MYLK3: variants seen among roughly 807,000 people sequenced by gnomAD.
MYLK3 encodes the protein myosin light chain kinase 3.
In MYLK3, 55 loss-of-function variants were observed where a neutral mutation model predicts 76.3. The observed-to-expected ratio is 0.72, with a 90% CI of 0.58 to 0.90. The LOEUF (loss-of-function observed/expected upper bound fraction) is 0.90. Among genes scored for constraint, MYLK3 ranks in the 40% least tolerant of loss-of-function variants. MYLK3 has a pLI of 0.00. For synonymous variants in MYLK3, 416 were observed against 425.4 expected (o/e 0.98, Z 0.27); for missense variants, 973 against 1,053.6 (o/e 0.92, Z 1.06).
At chr16:46,708,196 C>T (rs771668478) in intron 12 of MYLK3, among the ~76,000 whole-genome samples, 1 of 152,022 alleles carries the variant, frequency 6.6e-6, no homozygotes, top group East Asian at 1.9e-4. Flanking sequence ...TGTAAAGATA[C>T]AGTCTCACTA....
At chr16:46,757,320 G>C (rs1967213265) in intron 1 of MYLK3, 3 of 957,412 alleles carry the variant, frequency 3.1e-6, no homozygotes, top group Non-Finnish European at 3.7e-6. Flanking sequence ...AGAGAACCCA[G>C]GACCGGGGAA....
rs779811926 is a variant in MYLK3 at position 46,747,673 on chromosome 16, G to C, written c.477+44C>G. ...GCTGCCTGGCCAGTCTCCCACCAGG[G>C]CCGGGGCCTCCCATCCAGCCAGGGC... On this transcript the variant is annotated intron_variant, in intron 1 of 12. Transcript: ENST00000394809. The C allele has an allele frequency of 8.3e-6, 13 of 1,570,386 alleles. No individual in the cohort carries two copies. In the East Asian group the frequency reaches 2.7e-4, roughly 33 times the overall value.
intron 11 of MYLK3, 108 bp downstream of exon 11, chr16:46,710,529 G>A: frequency 8.0e-7 from 1 of 1,245,672 alleles, no homozygotes; most frequent in Non-Finnish European, 1.1e-6. Context: ...AATCTTGAAT[G>A]GAATTTGTCC....
intron 6 of MYLK3, 28 bp from the exon 7 acceptor site, chr16:46,729,161 T>G: frequency 6.3e-7 from 1 of 1,583,086 alleles, no homozygotes; most frequent in Non-Finnish European, 8.7e-7. Flanking sequence ...ACAGAAGGAT[T>G]TCCAAGCGAA....
At chr16:46,718,336 T>C (rs764044496) in intron 9 of MYLK3, among the ~76,000 whole-genome samples, 3 of 152,232 alleles carry the variant, frequency 2.0e-5, no homozygotes, top group Non-Finnish European at 4.4e-5. Flanking sequence ...TGTGATTTTT[T>C]TTCTGTTCAT....
intron 1 of MYLK3, among the ~76,000 whole-genome samples, chr16:46,760,322 G>A (rs1004749404): frequency 4.6e-5 from 7 of 152,120 alleles, no homozygotes; most frequent in Non-Finnish European, 1.0e-4. Context: ...TCACCTCCCC[G>A]GCTGACAAGA....
intron 2 of MYLK3, 67 bp downstream of exon 2, chr16:46,739,990 G>T: frequency 6.9e-6 from 8 of 1,154,210 alleles, no homozygotes; most frequent in Non-Finnish European, 1.0e-5. Context: ...GGGCCGTGTT[G>T]TTGGGGCCTT....
intron 3 of MYLK3, among the ~76,000 whole-genome samples, chr16:46,734,674 T>C (rs1244623412): frequency 6.6e-6 from 1 of 152,004 alleles, no homozygotes; most frequent in Non-Finnish European, 1.5e-5. Flanking sequence ...ATTAGGACCC[T>C]CAAATACTCA....
intron 3 of MYLK3, 105 bp from the exon 4 acceptor site, chr16:46,732,773 G>A: frequency 1.1e-6 from 1 of 946,152 alleles, no homozygotes; most frequent in Non-Finnish European, 1.5e-6. Flanking sequence ...CAATGGCCCT[G>A]GGGCCCTGCT....
chr16:46,716,412 GTATA>G (rs147435885), intron 9 of MYLK3, among the ~76,000 whole-genome samples: 20 of 148,428 alleles, frequency 1.3e-4, no homozygotes, highest in East Asian at 7.8e-4. Flanking sequence ...ATATGTATGT[GTATA>G]TATATATATA....
intron 10 of MYLK3, among the ~76,000 whole-genome samples, chr16:46,711,359 A>C (rs1966681402): frequency 6.6e-6 from 1 of 152,158 alleles, no homozygotes. Flanking sequence ...GAAGTAAAAC[A>C]TGACTTTACC....
chr16:46,745,846 ATAGAGGCTTG>A (rs1243484482), intron 1 of MYLK3, among the ~76,000 whole-genome samples: 2 of 152,142 alleles, frequency 1.3e-5, no homozygotes, highest in Non-Finnish European at 2.9e-5. Context: ...GGTGCTCCAG[ATAGAGGCTTG>A]TAGACACAGC....
chr16:46,742,104 ATG>A (rs1344607564), intron 1 of MYLK3, among the ~76,000 whole-genome samples: 1 of 152,094 alleles, frequency 6.6e-6, no homozygotes, highest in East Asian at 1.9e-4. Context: ...GGTGACATGG[ATG>A]GAAACATTTG....
upstream of MYLK3, among the ~76,000 whole-genome samples, chr16:46,749,393 GC>G (rs1443513476): frequency 6.6e-6 from 1 of 152,248 alleles, no homozygotes; most frequent in East Asian, 1.9e-4. Flanking sequence ...AAGGGAGGGG[GC>G]TTTAGTGTCC....
At position 46,732,505 on chromosome 16, in the gene MYLK3, G is replaced by T. The variant is rs748943202; in HGVS notation, c.1165C>A (p.Pro389Thr). The T allele has an allele frequency of 3.1e-6, 5 of 1,606,756 alleles. No homozygotes were observed. Among genetic ancestry groups the T allele is most frequent in the South Asian group, 1.1e-5 (1 of 91,070 alleles). Residue 389 changes from proline (P) to threonine (T), a missense_variant, in exon 4 of 13, where the codon CCC becomes ACC. Physicochemically the swap from Pro to Thr is conservative, Grantham distance 38 (BLOSUM62 -1). This residue lies in a region of MYLK3 where 641 missense variants were observed against 637.0 expected (regional missense o/e 1.01). Transcript: ENST00000394809. ...GRCLQAPGTE[P>T]GEQTPEGARE... Reference sequence around the variant, plus strand: ...GCTCCTTCAGGGGTCTGTTCTCCGGGCTCAGTCCCAGGGGCTTGGAGGCAG... The same window carrying T: ...GCTCCTTCAGGGGTCTGTTCTCCGGTCTCAGTCCCAGGGGCTTGGAGGCAG...
At chr16:46,718,067 G>C (rs1966762290) in intron 9 of MYLK3, among the ~76,000 whole-genome samples, 2 of 152,166 alleles carry the variant, frequency 1.3e-5, no homozygotes, top group South Asian at 4.1e-4. Context: ...TATTGCAATG[G>C]TTTGTGGCTC....
chr16:46,758,296 ACACACACACTCTCTCTCTCT>A lies in MYLK3; in HGVS notation c.-114+4724_-114+4743del, dbSNP rs1389651544. Among the ~76,000 whole-genome samples, 308 of 59,270 alleles carry A rather than the reference ACACACACACTCTCTCTCTCT, an allele frequency of 5.2e-3. 3 individuals carry two copies. Among genetic ancestry groups the A allele is most frequent in the African/African-American group, 0.023 (298 of 13,194 alleles). The allele number at this position is 59,270 out of a possible 152,430, so 38.9% of individuals were successfully genotyped here. On this transcript the variant is annotated intron_variant, in intron 1 of 11. Transcript: ENST00000536476. ...CACACACACACACACACACACACAC[ACACACACACTCTCTCTCTCT>A]CTCTCTCTCTCTCTCTCTCTCTCTC...
chr16:46,719,132 T>A (rs1966774113), intron 9 of MYLK3, among the ~76,000 whole-genome samples: 2 of 150,144 alleles, frequency 1.3e-5, no homozygotes, highest in South Asian at 4.2e-4. Flanking sequence ...ATCAAGACCA[T>A]CCTGGCCAAC....
At chr16:46,733,653 G>A (rs1212765341) in intron 3 of MYLK3, among the ~76,000 whole-genome samples, 1 of 152,070 alleles carries the variant, frequency 6.6e-6, no homozygotes, top group East Asian at 1.9e-4. Context: ...AGTCACCCGG[G>A]AATCCAAACC....
Sources: allele counts gnomAD v4.1 joint callset (sites outside exome capture counted in the v4.1 genomes callset), GRCh38; gene constraint gnomAD v4.1.1; regional missense constraint gnomAD v4.1.1; transcripts MANE v1.5; gene names NCBI Gene and HGNC (gene_info 2026-07-23, HGNC 2026-07-21).